Variants in KIF1A observed in about 807,000 individuals in gnomAD.
KIF1A encodes kinesin-like protein KIF1A.
In KIF1A, 46 loss-of-function variants were observed where a neutral mutation model predicts 227.3. The observed-to-expected ratio is 0.20, with a 90% CI of 0.16 to 0.26. KIF1A has a LOEUF of 0.26. KIF1A is among the 10% of genes least tolerant of loss of function. The probability of loss-of-function intolerance (pLI) is 1.00; values close to 1 mark genes in which losing one functional copy is unlikely to be tolerated. For missense variants in KIF1A, 1,683 were observed against 2,485.9 expected, an observed-to-expected ratio of 0.68 and a Z score of 6.87; for synonymous variants, 1,022 against 1,012.8, an observed-to-expected ratio of 1.01 and a Z score of -0.17.
chr2:240,729,786 G>T (rs1357441424), intron 38 of KIF1A, among the ~76,000 whole-genome samples: 1 of 152,250 alleles, frequency 6.6e-6, no homozygotes, highest in African/African-American at 2.4e-5. Flanking sequence ...GTGAGCTGGG[G>T]AGAGAATGGT....
chr2:240,760,990 A>G, intron 24 of KIF1A, 147 bp from the exon 25 acceptor site: 2 of 917,948 alleles, frequency 2.2e-6, no homozygotes, highest in Non-Finnish European at 3.2e-6. Flanking sequence ...GCCAGGGGGG[A>G]CCACCTACTT....
chr2:240,740,075 A>T lies in KIF1A; in HGVS notation c.3884T>A (p.Val1295Glu). The T allele has an allele frequency of 6.3e-7, 1 of 1,587,430 alleles. No homozygotes were observed. Residue 1295 changes from valine (V) to glutamate (E), a missense_variant, in exon 37 of 49, where the codon GTG becomes GAG. Physicochemically the swap from Val to Glu is moderately radical, Grantham distance 121. Transcript: ENST00000498729. The surrounding 1 kb of genome is among the most constrained non-coding windows in gnomAD (Gnocchi z 6.1). ...ETGSHIRWKE[V>E]RELVVGRIRN... Reference sequence around the variant, plus strand: ...GCACTCACCCACGACCAGCTCGCGCACTTCCTTCCAGCGGATATGGCTGCC... The same window carrying T: ...GCACTCACCCACGACCAGCTCGCGCTCTTCCTTCCAGCGGATATGGCTGCC...
chr2:240,717,236 G>A lies in KIF1A; in HGVS notation c.*128C>T, dbSNP rs1024104800. 1.3e-5 allele frequency: 11 copies of A among 845,964 alleles called. No individual in the cohort carries two copies. The highest frequency in any genetic ancestry group is 2.6e-4 in the Middle Eastern group (1 of 3,906). 52.4% of individuals were successfully genotyped at this position (845,964 alleles called of 1,614,324 possible). A position where few individuals can be genotyped will look rare whatever the true frequency, so the allele number is the denominator to read the frequency against. ...ACAGGTCCCCGGGCCTGGCATGGGCGTCCCCTGGGGGGTCGACCCGGTCGT... is the reference window on the plus strand; with the variant it reads ...ACAGGTCCCCGGGCCTGGCATGGGCATCCCCTGGGGGGTCGACCCGGTCGT... On this transcript the variant is annotated 3_prime_UTR_variant, in exon 49 of 49. Coordinates refer to ENST00000498729, the MANE Select transcript of KIF1A (RefSeq NM_001244008.2).
In KIF1A at chr2:240,765,629, G is replaced by A. The variant is rs910681648; in HGVS notation, c.1768+81C>T. ...CTGCCATCCCGCACAGTGCACAGGA[G>A]GCGGTGGCTTGGACATGGGAACAGA... is the stretch of plus-strand genomic sequence containing the variant. On this transcript the variant is annotated intron_variant, in intron 20 of 48. Transcript: ENST00000498729. 5.8e-5 allele frequency: 65 copies of A among 1,111,922 alleles called. No individual in the cohort carries two copies. In the African/African-American group the frequency reaches 8.3e-4, roughly 14 times the overall value. The allele number at this position is 1,111,922 out of a possible 1,614,324, so 68.9% of individuals were successfully genotyped here.
intron 27 of KIF1A, among the ~76,000 whole-genome samples, chr2:240,753,417 G>A (rs1317829069): frequency 6.6e-6 from 1 of 152,200 alleles, no homozygotes; most frequent in African/African-American, 2.4e-5. Flanking sequence ...CTGAGGAGAC[G>A]CCTTCTGCCA....
intron 46 of KIF1A, 40 bp from the exon 47 acceptor site, chr2:240,719,238 G>A (rs750136764): frequency 1.3e-5 from 20 of 1,573,324 alleles, no homozygotes; most frequent in Middle Eastern, 3.5e-4. Context: ...CCCTCGGTGG[G>A]GGCAGCGACT....
At chr2:240,741,578 C>G (rs1177417709) in intron 34 of KIF1A, among the ~76,000 whole-genome samples, 1 of 152,220 alleles carries the variant, frequency 6.6e-6, no homozygotes, top group Non-Finnish European at 1.5e-5. Context: ...CTTAGCACGT[C>G]ACATGGACGC....
chr2:240,766,124 C>CCGT lies in KIF1A; in HGVS notation c.1685-334_1685-332dup, dbSNP rs2051139213. Among the ~76,000 whole-genome samples the CCGT allele has an allele frequency of 6.6e-6, 1 of 152,258 alleles. No individual in the cohort carries two copies. The highest frequency in any genetic ancestry group is 1.5e-5 in the Non-Finnish European group (1 of 68,042). On this transcript the variant is annotated intron_variant, in intron 19 of 48. Transcript: ENST00000498729. The surrounding 1 kb of genome is among the most constrained non-coding windows in gnomAD (Gnocchi z 5.0). The stretch of plus-strand genomic sequence containing the variant: ...AAAACACCAGCTAATGGGGCCTGGG[C>CCGT]CGTCCCACAGGAGAGGGTAGGCAGG...
At chr2:240,801,455 G>A (rs990628260) in intron 1 of KIF1A, among the ~76,000 whole-genome samples, 5 of 152,124 alleles carry the variant, frequency 3.3e-5, no homozygotes, top group African/African-American at 4.8e-5. Flanking sequence ...CAGATAAAAA[G>A]AATAGGAAAT....
At position 240,778,511 on chromosome 2, in the gene KIF1A, TACAC is replaced by T. The variant is rs60462300; in HGVS notation, c.883-2589_883-2586del. On this transcript the variant is annotated intron_variant, in intron 10 of 48. Coordinates refer to ENST00000498729, the MANE Select transcript of KIF1A (RefSeq NM_001244008.2). The surrounding 1 kb of genome is among the most constrained non-coding windows in gnomAD (Gnocchi z 7.2). ...GGCGCTCGCAGCTCCCGCACAGCGT[TACAC>T]ACACACACACACACACACACACACA... Among the ~76,000 whole-genome samples, 32,458 of 133,960 alleles carry T rather than the reference TACAC, an allele frequency of 0.24. 3,659 individuals carry two copies. Among genetic ancestry groups the T allele is most frequent in the East Asian group, 0.27 (1,248 of 4,642 alleles). The allele number at this position is 133,960 out of a possible 152,430, so 87.9% of individuals were successfully genotyped here. A position where few individuals can be genotyped will look rare whatever the true frequency, so the allele number is the denominator to read the frequency against.
chr2:240,766,823 G>A lies in KIF1A; in HGVS notation c.1684+92C>T, dbSNP rs1319959811. The A allele has an allele frequency of 1.3e-6, 1 of 778,174 alleles. No individual in the cohort carries two copies. The highest frequency in any genetic ancestry group is 2.1e-6 in the Non-Finnish European group (1 of 471,702). The allele number at this position is 778,174 out of a possible 1,614,324, so 48.2% of individuals were successfully genotyped here. A position where few individuals can be genotyped will look rare whatever the true frequency, so the allele number is the denominator to read the frequency against. ...AAGTATGACTCGCGACCCACTTAGTGCTGGGTAAGCTGGGAGAGGGTGACC... is the reference window on the plus strand; with the variant it reads ...AAGTATGACTCGCGACCCACTTAGTACTGGGTAAGCTGGGAGAGGGTGACC... On this transcript the variant is annotated intron_variant, in intron 19 of 48. Coordinates refer to ENST00000498729, the MANE Select transcript of KIF1A (RefSeq NM_001244008.2). This position sits in a 1 kb window ranked among gnomAD's most constrained non-coding sequence, Gnocchi z 5.0.
intron 24 of KIF1A, 142 bp from the exon 25 acceptor site, chr2:240,760,985 G>C (rs186212249): frequency 1.1e-6 from 1 of 942,358 alleles, no homozygotes; most frequent in Non-Finnish European, 1.6e-6. Flanking sequence ...CAGCCGCCAG[G>C]GGGGACCACC....
At chr2:240,801,184 A>G (rs533326691) in intron 1 of KIF1A, among the ~76,000 whole-genome samples, 10 of 152,194 alleles carry the variant, frequency 6.6e-5, no homozygotes, top group Non-Finnish European at 1.2e-4. Context: ...TCTAAACATG[A>G]TCCAGATCTA....
intron 8 of KIF1A, 75 bp from the exon 9 acceptor site, chr2:240,783,184 G>GTGGACC: frequency 8.6e-7 from 1 of 1,161,730 alleles, no homozygotes; most frequent in Non-Finnish European, 1.3e-6. Flanking sequence ...GATGCCCTGG[G>GTGGACC]TGGACCTGTG....
rs111576976 is a variant in KIF1A at position 240,818,512 on chromosome 2, C to A, written c.-61+1610G>T. The stretch of plus-strand genomic sequence containing the variant: ...TGGCCCTGGCCCATCCCACACCCTG[C>A]ACCGCAAGCTCCACATCTGCTCCAC... On this transcript the variant is annotated intron_variant, in intron 1 of 48. Transcript: ENST00000498729. 1.1e-3 allele frequency among the ~76,000 whole-genome samples: 165 copies of A among 152,316 alleles called. 1 individual carries two copies. Among genetic ancestry groups the A allele is most frequent in the African/African-American group, 3.9e-3 (163 of 41,576 alleles).
At position 240,792,479 on chromosome 2, in the gene KIF1A, T is replaced by C. The variant is rs1355776741; in HGVS notation, c.107-3167A>G. On this transcript the variant is annotated intron_variant, in intron 2 of 48. Transcript: ENST00000498729. This position sits in a 1 kb window ranked among gnomAD's most constrained non-coding sequence, Gnocchi z 4.5. The stretch of plus-strand genomic sequence containing the variant: ...CAGGCAGCCTTCCCAGGACTCTGCA[T>C]GGGCCTGCAAAGGACTGGACACCGA... Among the ~76,000 whole-genome samples the C allele has an allele frequency of 6.6e-6, 1 of 150,830 alleles. No homozygotes were observed. Among genetic ancestry groups the C allele is most frequent in the Non-Finnish European group, 1.5e-5 (1 of 67,678 alleles).
rs1259842132 is a variant in KIF1A at position 240,715,143 on chromosome 2, CCCTGCCTCTCCTT to C, written c.*2208_*2220del. ...CCTCATCTCAGACCAGCGTGTCCTG[CCCTGCCTCTCCTT>C]CCTGCCTCCAGGCAGCGCTGGATGC... is the stretch of plus-strand genomic sequence containing the variant. On this transcript the variant is annotated 3_prime_UTR_variant, in exon 49 of 49. Coordinates refer to ENST00000498729, the MANE Select transcript of KIF1A (RefSeq NM_001244008.2). 1.3e-5 allele frequency: 2 copies of C among 152,576 alleles called. No homozygotes were observed. Among genetic ancestry groups the C allele is most frequent in the Non-Finnish European group, 2.9e-5 (2 of 68,132 alleles). The allele number at this position is 152,576 out of a possible 1,614,324, so 9.5% of individuals were successfully genotyped here.
chr2:240,786,800 G>GACGCCATCAGGACCC (rs1559530218), intron 5 of KIF1A, among the ~76,000 whole-genome samples: 2 of 143,096 alleles, frequency 1.4e-5, no homozygotes, highest in Non-Finnish European at 3.0e-5. Flanking sequence ...GGGGGTGGGG[G>GACGCCATCAGGACCC]CTGCCATCAG....
chr2:240,741,420 C>A (rs2047951697), intron 34 of KIF1A, 43 bp from the exon 35 acceptor site: 2 of 1,421,100 alleles, frequency 1.4e-6, no homozygotes, highest in Non-Finnish European at 1.9e-6. Flanking sequence ...GGAGACCTGA[C>A]CTATCACGTG....
Sources: allele counts gnomAD v4.1 joint callset (sites outside exome capture counted in the v4.1 genomes callset), GRCh38; gene constraint gnomAD v4.1.1; non-coding constraint Gnocchi (gnomAD v3.1); transcripts MANE v1.5; gene names NCBI Gene and HGNC (gene_info 2026-07-23, HGNC 2026-07-21).